HSDL2: variants seen among roughly 807,000 people sequenced by gnomAD.
The protein encoded by HSDL2 is hydroxysteroid dehydrogenase-like protein 2.
Under a neutral mutation model 46.3 loss-of-function variants are expected in HSDL2, and 27 were observed. The ratio of observed to expected loss-of-function variants is 0.58; its 90% CI spans 0.43 to 0.80. HSDL2 has a LOEUF of 0.80. Ranked by LOEUF, HSDL2 falls within the 30% of genes least tolerant of loss-of-function variation. HSDL2 has a pLI of 0.00. For missense variants in HSDL2, 451 were observed against 502.7 expected (o/e 0.90, Z 0.98); for synonymous variants, 153 against 163.6 (o/e 0.94, Z 0.50).
intron 7 of HSDL2, 111 bp from the exon 8 acceptor site, chr9:112,441,583 CCTTTT>C: frequency 1.6e-6 from 1 of 615,766 alleles, no homozygotes; most frequent in Admixed American, 2.8e-5. Flanking sequence ...CTCACAGAGG[CCTTTT>C]CTTTTGCACC....
At chr9:112,385,966 G>C (rs977152683) in intron 1 of HSDL2, among the ~76,000 whole-genome samples, 1 of 150,598 alleles carries the variant, frequency 6.6e-6, no homozygotes, top group Non-Finnish European at 1.5e-5. Flanking sequence ...ATAGTAACAT[G>C]GTCTTGCTAT....
intron 10 of HSDL2, among the ~76,000 whole-genome samples, chr9:112,460,742 T>C (rs1833183203): frequency 6.6e-6 from 1 of 151,878 alleles, no homozygotes; most frequent in East Asian, 1.9e-4. Flanking sequence ...TGAAACCGTC[T>C]CAAAAAAAGA....
At chr9:112,453,927 C>T in intron 8 of HSDL2, 86 bp from the exon 9 acceptor site, 3 of 1,267,320 alleles carry the variant, frequency 2.4e-6, no homozygotes, top group African/African-American at 4.6e-5. Context: ...TAATTGGTGG[C>T]AAGTCTGTCC....
intron 7 of HSDL2, 131 bp from the exon 8 acceptor site, chr9:112,441,568 C>A (rs1832638346): frequency 1.8e-6 from 1 of 570,250 alleles, no homozygotes; most frequent in Admixed American, 3.0e-5. Flanking sequence ...GGTCATTCGA[C>A]AGTTCTCACA....
At chr9:112,470,268 A>G (rs1218149118) in intron 10 of HSDL2, among the ~76,000 whole-genome samples, 164 bp from the exon 11 acceptor site, 3 of 152,194 alleles carry the variant, frequency 2.0e-5, no homozygotes, top group Non-Finnish European at 4.4e-5. Flanking sequence ...AAGTCTAGGA[A>G]TTGGGATTCC....
At chr9:112,397,688 A>T (rs1831488210) in intron 1 of HSDL2, among the ~76,000 whole-genome samples, 1 of 152,158 alleles carries the variant, frequency 6.6e-6, no homozygotes, top group Non-Finnish European at 1.5e-5. Flanking sequence ...GAGCCTGCAG[A>T]CGGGCCTCCT....
chr9:112,461,156 C>A (rs933197166), intron 10 of HSDL2, among the ~76,000 whole-genome samples: 2 of 151,844 alleles, frequency 1.3e-5, no homozygotes, highest in Non-Finnish European at 2.9e-5. Context: ...TGGTTCACTG[C>A]AACCTCTGCC....
intron 6 of HSDL2, among the ~76,000 whole-genome samples, chr9:112,426,463 T>C (rs1026173733): frequency 6.6e-6 from 1 of 152,202 alleles, no homozygotes; most frequent in Non-Finnish European, 1.5e-5. Flanking sequence ...CTCAAACTCC[T>C]GACCTCAGGT....
At chr9:112,385,522 C>T (rs1831198974) in intron 1 of HSDL2, among the ~76,000 whole-genome samples, 1 of 148,722 alleles carries the variant, frequency 6.7e-6, no homozygotes, top group Non-Finnish European at 1.5e-5. Context: ...CAGAATCTTG[C>T]ACTGTCGCCC....
intron 8 of HSDL2, among the ~76,000 whole-genome samples, chr9:112,451,068 G>C (rs1832876064): frequency 6.6e-6 from 1 of 152,058 alleles, no homozygotes; most frequent in Non-Finnish European, 1.5e-5. Context: ...TGGGCGTAGT[G>C]GCACATGCCT....
chr9:112,441,755 A>G lies in HSDL2; in HGVS notation c.850A>G (p.Lys284Glu), dbSNP rs1478976488. The stretch of plus-strand genomic sequence containing the variant: ...TGAATACCCAGAAGCAGTTAGCAAG[A>G]AAGTGGAATCAACTGGTAAGATCTA... ...LDEYPEAVSK[K>E]VESTGAVPEF... Residue 284 changes from lysine (K) to glutamate (E), a missense_variant, in exon 8 of 11, where the codon AAA becomes GAA. By Grantham distance (56) the Lys-to-Glu change is moderately conservative. Coordinates refer to ENST00000398805, the MANE Select transcript of HSDL2 (RefSeq NM_032303.5). 6.2e-7 allele frequency: 1 copy of G among 1,604,788 alleles called. No homozygotes were observed. Among genetic ancestry groups the G allele is most frequent in the East Asian group, 2.2e-5 (1 of 44,750 alleles).
At chr9:112,432,194 T>C (rs1832423545) in intron 6 of HSDL2, among the ~76,000 whole-genome samples, 1 of 152,174 alleles carries the variant, frequency 6.6e-6, no homozygotes, top group East Asian at 1.9e-4. Flanking sequence ...GGTATTTCTT[T>C]ATAGTAATGC....
At position 112,471,676 on chromosome 9, in the gene HSDL2, A is replaced by G. The variant is rs1370242174; in HGVS notation, c.*1132A>G. ...GACCCTATCTCTACCCCCCTAATAAATTAATTTAAAAAGCCCCCCAATCTG... is the reference window on the plus strand; with the variant it reads ...GACCCTATCTCTACCCCCCTAATAAGTTAATTTAAAAAGCCCCCCAATCTG... On this transcript the variant is annotated 3_prime_UTR_variant, in exon 11 of 11. Transcript: ENST00000398805. 6.6e-6 allele frequency: 1 copy of G among 152,144 alleles called. No homozygotes were observed. The highest frequency in any genetic ancestry group is 2.4e-5 in the African/African-American group (1 of 41,394). 9.4% of individuals were successfully genotyped at this position (152,144 alleles called of 1,614,324 possible).
At chr9:112,433,680 GGTGTTC>G (rs1295407693) in intron 6 of HSDL2, 1 of 152,064 alleles carries the variant, frequency 6.6e-6, no homozygotes, top group Non-Finnish European at 1.5e-5. Context: ...GATTTGAGAG[GGTGTTC>G]AGGCTCTTGG....
intron 8 of HSDL2, among the ~76,000 whole-genome samples, chr9:112,451,474 G>A (rs981033360): frequency 5.3e-5 from 8 of 152,166 alleles, no homozygotes; most frequent in African/African-American, 1.9e-4. Flanking sequence ...ATGTATGTGT[G>A]TATGTATTTA....
At chr9:112,380,988 A>G (rs372462001) in intron 1 of HSDL2, among the ~76,000 whole-genome samples, 12 of 152,148 alleles carry the variant, frequency 7.9e-5, no homozygotes, top group African/African-American at 2.4e-4. Context: ...TTCAAAGAGT[A>G]TAGGGTAAAA....
intron 1 of HSDL2, among the ~76,000 whole-genome samples, chr9:112,399,202 G>A (rs149144802): frequency 0.016 from 2,453 of 152,294 alleles, 80 homozygotes; most frequent in East Asian, 0.1. Context: ...CAGCTGGGCT[G>A]CCGGGGGTGA....
intron 1 of HSDL2, among the ~76,000 whole-genome samples, chr9:112,388,481 T>A (rs1334181610): frequency 2.8e-5 from 3 of 107,428 alleles, no homozygotes; most frequent in African/African-American, 7.0e-5. Flanking sequence ...AAAAAAAAAA[T>A]ACGCCAGGTG....
At chr9:112,409,226 G>C (rs375575111) in intron 4 of HSDL2, among the ~76,000 whole-genome samples, 1 of 152,002 alleles carries the variant, frequency 6.6e-6, no homozygotes, top group Non-Finnish European at 1.5e-5. Context: ...TTTCATTCTT[G>C]TTGCCCAGGC....
Sources: allele counts gnomAD v4.1 joint callset (sites outside exome capture counted in the v4.1 genomes callset), GRCh38; gene constraint gnomAD v4.1.1; transcripts MANE v1.5; gene names NCBI Gene and HGNC (gene_info 2026-07-23, HGNC 2026-07-21).